SORCS3: variants seen among roughly 807,000 people sequenced by gnomAD.
SORCS3 encodes sortilin related VPS10 domain containing receptor 3.
A neutral mutation model predicts 146.3 loss-of-function variants in SORCS3; 57 were observed. The ratio of observed to expected loss-of-function variants is 0.39; its 90% CI spans 0.31 to 0.49. The LOEUF (loss-of-function observed/expected upper bound fraction) is 0.49. SORCS3 is among the 20% of genes least tolerant of loss of function. The pLI is 0.92. For missense variants in SORCS3, 1,341 were observed against 1,575.5 expected, an observed-to-expected ratio of 0.85 and a Z score of 2.52; for synonymous variants, 653 against 618.5, an observed-to-expected ratio of 1.06 and a Z score of -0.83.
intron 23 of SORCS3, 109 bp downstream of exon 23, chr10:105,253,015 A>C: frequency 2.3e-6 from 3 of 1,307,262 alleles, no homozygotes; most frequent in Non-Finnish European, 2.1e-6. Flanking sequence ...CATTACCCCA[A>C]CAGCCAAGGT....
chr10:104,821,113 G>A lies in SORCS3; in HGVS notation c.628-21679G>A, dbSNP rs528313394. On this transcript the variant is annotated intron_variant, in intron 1 of 26. Coordinates refer to ENST00000369701, the MANE Select transcript of SORCS3 (RefSeq NM_014978.3). ...TTGTACTCCGGCTTGTGCATTCTTG[G>A]CTGCATCTTCGGGTTCCACACTGTG... Among the ~76,000 whole-genome samples the A allele has an allele frequency of 6.6e-4, 101 of 152,274 alleles. 1 individual carries two copies. In the South Asian group the frequency reaches 6.8e-3, roughly 10 times the overall value.
At chr10:104,737,909 G>T (rs1182539839) in intron 1 of SORCS3, among the ~76,000 whole-genome samples, 1 of 150,160 alleles carries the variant, frequency 6.7e-6, no homozygotes, top group Admixed American at 6.6e-5. Flanking sequence ...ATGGTTTTAG[G>T]TCTAACGTTT....
intron 19 of SORCS3, among the ~76,000 whole-genome samples, chr10:105,217,496 T>C (rs2056672648): frequency 6.6e-6 from 1 of 152,334 alleles, no homozygotes; most frequent in Middle Eastern, 3.4e-3. Flanking sequence ...CAATCTATTA[T>C]GAATGAAGAC....
chr10:105,098,531 G>A (rs1457270316), intron 6 of SORCS3, among the ~76,000 whole-genome samples: 1 of 152,098 alleles, frequency 6.6e-6, no homozygotes, highest in Non-Finnish European at 1.5e-5. Context: ...AGAATCACAG[G>A]TACTGGTGTA....
intron 22 of SORCS3, among the ~76,000 whole-genome samples, chr10:105,248,317 G>GCAACT (rs2056879306): frequency 1.3e-5 from 2 of 152,164 alleles, no homozygotes; most frequent in Non-Finnish European, 2.9e-5. Context: ...GCACAGATTT[G>GCAACT]CAACTCAATA....
chr10:104,911,281 T>A (rs1448230227), intron 2 of SORCS3, among the ~76,000 whole-genome samples: 1 of 152,192 alleles, frequency 6.6e-6, no homozygotes, highest in East Asian at 1.9e-4. Context: ...CTCCCTGAGG[T>A]ATCTTCATCA....
rs113142444 is a variant in SORCS3, at chr10:104,729,300, G to C, written c.627+87346G>C. 9.9e-5 allele frequency among the ~76,000 whole-genome samples: 15 copies of C among 152,270 alleles called. 2 individuals carry two copies. The highest frequency in any genetic ancestry group is 3.4e-4 in the African/African-American group (14 of 41,548). ...GAAAAGTCTCTCTAGATTACCCCAG[G>C]CTCAAGACTGAGACCTTTGGGCTGG... On this transcript the variant is annotated intron_variant, in intron 1 of 26. Coordinates refer to ENST00000369701, the MANE Select transcript of SORCS3 (RefSeq NM_014978.3).
At chr10:105,118,109 C>T (rs1264857719) in intron 7 of SORCS3, among the ~76,000 whole-genome samples, 1 of 152,144 alleles carries the variant, frequency 6.6e-6, no homozygotes, top group Non-Finnish European at 1.5e-5. Flanking sequence ...AGCCAAATCT[C>T]ATCTTGAATT....
intron 2 of SORCS3, among the ~76,000 whole-genome samples, chr10:104,884,561 T>C (rs1405104000): frequency 6.6e-6 from 1 of 152,086 alleles, no homozygotes; most frequent in Non-Finnish European, 1.5e-5. Flanking sequence ...GTATTTGAGA[T>C]GGAATTTAGG....
At chr10:105,155,949 TA>T (rs902265600) in intron 9 of SORCS3, among the ~76,000 whole-genome samples, 7 of 152,178 alleles carry the variant, frequency 4.6e-5, no homozygotes, top group African/African-American at 1.7e-4. Context: ...TCAGGTTACT[TA>T]AAAAAAGAAG....
chr10:105,139,022 G>T (rs2056076987), intron 7 of SORCS3, among the ~76,000 whole-genome samples: 1 of 152,234 alleles, frequency 6.6e-6, no homozygotes, highest in Non-Finnish European at 1.5e-5. Flanking sequence ...TGGTTGGAAT[G>T]AATTAATAAA....
intron 2 of SORCS3, among the ~76,000 whole-genome samples, chr10:104,896,676 A>C (rs1187163366): frequency 6.6e-6 from 1 of 152,254 alleles, no homozygotes; most frequent in African/African-American, 2.4e-5. Flanking sequence ...AGCTAAGAAC[A>C]GTTTTCACAT....
At chr10:104,734,346 G>C (rs1177629382) in intron 1 of SORCS3, among the ~76,000 whole-genome samples, 1 of 152,138 alleles carries the variant, frequency 6.6e-6, no homozygotes, top group African/African-American at 2.4e-5. Flanking sequence ...GTAGTAAGGG[G>C]GCCTGGAGCT....
intron 1 of SORCS3, among the ~76,000 whole-genome samples, chr10:104,646,659 G>A (rs117910867): frequency 6.6e-6 from 1 of 152,310 alleles, no homozygotes; most frequent in African/African-American, 2.4e-5. Flanking sequence ...CCCGCTTTCT[G>A]CCTTCTTTTG....
chr10:104,731,178 A>T (rs980824732), intron 1 of SORCS3, among the ~76,000 whole-genome samples: 1 of 152,028 alleles, frequency 6.6e-6, no homozygotes, highest in African/African-American at 2.4e-5. Flanking sequence ...TGCTGACATG[A>T]CCTTCTTGTG....
intron 1 of SORCS3, among the ~76,000 whole-genome samples, chr10:104,772,643 C>T (rs879315876): frequency 4.6e-5 from 7 of 152,192 alleles, no homozygotes; most frequent in Admixed American, 1.3e-4. Flanking sequence ...TTGATCCAGC[C>T]TCTTCTAGTC....
At chr10:105,041,676 CA>C (rs1318830198) in intron 4 of SORCS3, among the ~76,000 whole-genome samples, 1 of 151,942 alleles carries the variant, frequency 6.6e-6, no homozygotes, top group African/African-American at 2.4e-5. Context: ...GAAGTTTATA[CA>C]AAAAATTATT....
chr10:104,898,476 T>C (rs1486505639), intron 2 of SORCS3, among the ~76,000 whole-genome samples: 1 of 152,212 alleles, frequency 6.6e-6, no homozygotes, highest in African/African-American at 2.4e-5. Context: ...TTAACTGCTT[T>C]TTTATGTGTG....
chr10:104,658,760 A>G (rs1394452382), intron 1 of SORCS3, among the ~76,000 whole-genome samples: 2 of 152,190 alleles, frequency 1.3e-5, no homozygotes, highest in African/African-American at 2.4e-5. Context: ...GTGATAGCTT[A>G]CAATTGTTAC....
Sources: gnomAD v4.1 joint callset for allele counts (sites outside exome capture counted in the v4.1 genomes callset) on GRCh38, gnomAD v4.1.1 for gene constraint, MANE v1.5 for transcripts, NCBI Gene and HGNC (gene_info 2026-07-23, HGNC 2026-07-21) for gene names.